Variants in SLC35F4 observed in about 807,000 individuals in gnomAD.
The protein encoded by SLC35F4 is chromosome 14 open reading frame 36.
SLC35F4 carries 24 observed loss-of-function variants against 44.2 expected under a neutral mutation model. The observed-to-expected ratio is 0.54, with a 90% CI of 0.39 to 0.76. The LOEUF (loss-of-function observed/expected upper bound fraction) is 0.76, where lower values mean the gene tolerates loss of function less well. Among genes scored for constraint, SLC35F4 ranks in the 30% least tolerant of loss-of-function variants. The pLI is 0.00. For missense variants in SLC35F4, 562 were observed against 586.1 expected (o/e 0.96, Z 0.42); for synonymous variants, 238 against 223.6 (o/e 1.06, Z -0.57).
At chr14:57,583,357 CA>C (rs11346981) in intron 3 of SLC35F4, among the ~76,000 whole-genome samples, 1,989 of 95,712 alleles carry the variant, frequency 0.021, 41 homozygotes, top group African/African-American at 0.073. Flanking sequence ...CCATCATTTA[CA>C]ACTACTGATT....
intron 1 of SLC35F4, among the ~76,000 whole-genome samples, chr14:57,707,636 G>T (rs753941649): frequency 6.6e-6 from 1 of 152,100 alleles, no homozygotes; most frequent in African/African-American, 2.4e-5. Context: ...AATTGGTACC[G>T]AGCTAGTGGG....
At chr14:57,810,385 A>G (rs954435849) in intron 1 of SLC35F4, among the ~76,000 whole-genome samples, 18 of 152,122 alleles carry the variant, frequency 1.2e-4, no homozygotes, top group African/African-American at 4.3e-4. Flanking sequence ...TGAAGCTGAC[A>G]TTTTCTATTG....
chr14:57,589,673 G>A (rs1370586381), intron 2 of SLC35F4, among the ~76,000 whole-genome samples, 160 bp from the exon 3 acceptor site: 3 of 152,150 alleles, frequency 2.0e-5, no homozygotes, highest in East Asian at 1.9e-4. Context: ...TGATAACTTC[G>A]GCTCACTTTT....
At chr14:57,650,606 C>A (rs954555703) in intron 1 of SLC35F4, among the ~76,000 whole-genome samples, 2 of 152,178 alleles carry the variant, frequency 1.3e-5, no homozygotes, top group African/African-American at 4.8e-5. Context: ...TCCAGACCCT[C>A]TTTTCACCTA....
chr14:57,708,857 C>T (rs1092056), intron 1 of SLC35F4, among the ~76,000 whole-genome samples: 71,472 of 151,780 alleles, frequency 0.47, 17,215 homozygotes, highest in Non-Finnish European at 0.53. Context: ...ATGTGGGTCA[C>T]GTGTCCACTG....
chr14:57,693,130 A>G (rs1013520904), intron 1 of SLC35F4, among the ~76,000 whole-genome samples: 1 of 152,230 alleles, frequency 6.6e-6, no homozygotes, highest in African/African-American at 2.4e-5. Flanking sequence ...AAGAAAACAA[A>G]TACAGGCAGT....
At chr14:57,598,396 G>A (rs1317682774) in intron 1 of SLC35F4, among the ~76,000 whole-genome samples, 1 of 152,188 alleles carries the variant, frequency 6.6e-6, no homozygotes, top group East Asian at 1.9e-4. Context: ...AAGAAGGAGT[G>A]GAGCTGAGAA....
In SLC35F4 at chr14:57,918,309, G is replaced by A. The variant is rs1889372045; in HGVS notation, n.282+63604C>T. ...CCACCCTGAACCTCCAGCAATTCAT[G>A]AATTACAGTTCAGTTTTCCTACCCC... On this transcript the variant is annotated intron_variant and non_coding_transcript_variant, in intron 1 of 1. Transcript: ENST00000556568. 5.3e-5 allele frequency among the ~76,000 whole-genome samples: 8 copies of A among 152,216 alleles called. 1 individual carries two copies. In the South Asian group the frequency reaches 1.7e-3, roughly 32 times the overall value.
In SLC35F4 at chr14:57,966,966, C is replaced by A. The variant is rs552247514; in HGVS notation, n.282+14947G>T. ...CAGAGATTGCAGTGAACTGAGATTG[C>A]GCCTCTGCGTTCCAGCCTGGGTAAC... On this transcript the variant is annotated intron_variant and non_coding_transcript_variant, in intron 1 of 1. Transcript: ENST00000556568. Among the ~76,000 whole-genome samples, 6 of 151,724 alleles carry A rather than the reference C, an allele frequency of 4.0e-5. No individual in the cohort carries two copies. In the East Asian group the frequency reaches 5.8e-4, roughly 15 times the overall value.
intron 1 of SLC35F4, among the ~76,000 whole-genome samples, chr14:57,754,615 C>A (rs1243506688): frequency 6.6e-6 from 1 of 152,130 alleles, no homozygotes; most frequent in Non-Finnish European, 1.5e-5. Flanking sequence ...TGGAGCCTCC[C>A]GAGATTCGTA....
At chr14:57,616,238 A>G (rs779325939) in intron 1 of SLC35F4, among the ~76,000 whole-genome samples, 5 of 152,148 alleles carry the variant, frequency 3.3e-5, no homozygotes, top group Non-Finnish European at 7.4e-5. Context: ...TTCTTGATCC[A>G]CTTAGAGAAT....
chr14:57,780,531 C>T (rs1169591700), intron 1 of SLC35F4, among the ~76,000 whole-genome samples: 1 of 152,100 alleles, frequency 6.6e-6, no homozygotes, highest in Non-Finnish European at 1.5e-5. Flanking sequence ...TTTACAGATT[C>T]AGTGTTGTTC....
In SLC35F4 at chr14:57,957,044, C is replaced by T. The variant is rs117977638; in HGVS notation, n.282+24869G>A. Among the ~76,000 whole-genome samples the T allele has an allele frequency of 4.6e-5, 7 of 152,210 alleles. No individual in the cohort carries two copies. In the South Asian group the frequency reaches 8.3e-4, roughly 18 times the overall value. Reference sequence around the variant, plus strand: ...AGCTAAGACTTGGAACTAACCCAAACGTTCATCAATGATATATTGGATAAA... The same window carrying T: ...AGCTAAGACTTGGAACTAACCCAAATGTTCATCAATGATATATTGGATAAA... On this transcript the variant is annotated intron_variant and non_coding_transcript_variant, in intron 1 of 1. Coordinates refer to the SLC35F4 transcript ENST00000556568.
chr14:57,789,426 C>T (rs1488495682), intron 1 of SLC35F4, among the ~76,000 whole-genome samples: 1 of 152,106 alleles, frequency 6.6e-6, no homozygotes, highest in African/African-American at 2.4e-5. Flanking sequence ...GACACATACA[C>T]CCTCCCAAGA....
chr14:57,962,736 G>T (rs1032955053), intron 1 of SLC35F4, among the ~76,000 whole-genome samples: 1 of 152,196 alleles, frequency 6.6e-6, no homozygotes, highest in Non-Finnish European at 1.5e-5. Context: ...GAGAAATTTT[G>T]TAAAATTTTG....
intron 1 of SLC35F4, among the ~76,000 whole-genome samples, chr14:57,671,571 C>T (rs769575572): frequency 2.0e-5 from 3 of 152,000 alleles, no homozygotes; most frequent in Admixed American, 6.5e-5. Context: ...CCCCAAATAA[C>T]CAGCAGCAAT....
At chr14:57,968,975 G>A (rs1316656347) in intron 1 of SLC35F4, among the ~76,000 whole-genome samples, 7 of 152,226 alleles carry the variant, frequency 4.6e-5, no homozygotes, top group Admixed American at 2.0e-4. Context: ...CTAACAAAGC[G>A]TATATTAGGA....
rs192427517 is a variant in SLC35F4, at chr14:57,641,900, G to T, written c.104-47776C>A. ...GTATAAGTAACTTCTAGGCTTACAA[G>T]TCTGTTTTCCTAAAAGCCATTATTT... On this transcript the variant is annotated intron_variant, in intron 1 of 7. Transcript: ENST00000556826. 2.6e-5 allele frequency among the ~76,000 whole-genome samples: 4 copies of T among 152,082 alleles called. No homozygotes were observed. In the East Asian group the frequency reaches 7.8e-4, roughly 30 times the overall value.
At chr14:57,904,440 T>C (rs762487332) in intron 1 of SLC35F4, among the ~76,000 whole-genome samples, 6 of 152,218 alleles carry the variant, frequency 3.9e-5, no homozygotes, top group Non-Finnish European at 5.9e-5. Flanking sequence ...TGGACTCCCA[T>C]GTTCCACTCC....
Sources: allele counts gnomAD v4.1 joint callset (sites outside exome capture counted in the v4.1 genomes callset), GRCh38; gene constraint gnomAD v4.1.1; transcripts MANE v1.5; gene names NCBI Gene and HGNC (gene_info 2026-07-23, HGNC 2026-07-21).